RGS6: variants seen among roughly 807,000 people sequenced by gnomAD.
RGS6 encodes the protein regulator of G protein signaling 6.
RGS6 carries 30 observed loss-of-function variants against 78.5 expected under a neutral mutation model. The ratio of observed to expected loss-of-function variants is 0.38; its 90% CI spans 0.29 to 0.52. RGS6 has a LOEUF of 0.52. Among genes scored for constraint, RGS6 ranks in the 20% least tolerant of loss-of-function variants. The probability of loss-of-function intolerance (pLI) is 0.85; values close to 1 mark genes in which losing one functional copy is unlikely to be tolerated. For missense variants in RGS6, 495 were observed against 609.7 expected (o/e 0.81, Z 1.98); for synonymous variants, 206 against 206.0 (o/e 1.00, Z 0.00).
intron 12 of RGS6, among the ~76,000 whole-genome samples, chr14:72,479,038 G>A (rs996614003): frequency 6.6e-6 from 1 of 152,188 alleles, no homozygotes; most frequent in South Asian, 2.1e-4. Context: ...ATATGCTACC[G>A]TTAAAGCAAT....
chr14:72,511,931 G>C (rs1256068663), intron 14 of RGS6: 1 of 152,170 alleles, frequency 6.6e-6, no homozygotes, highest in Non-Finnish European at 1.5e-5. Flanking sequence ...GTAACAGAAG[G>C]CTTGACTTCT....
intron 3 of RGS6, among the ~76,000 whole-genome samples, chr14:72,448,941 G>A (rs1458833340): frequency 1.3e-5 from 2 of 152,270 alleles, no homozygotes; most frequent in Non-Finnish European, 2.9e-5. Context: ...CACAATTATT[G>A]TCAAGATAAC....
the RGS6 span, among the ~76,000 whole-genome samples, chr14:72,583,142 G>C: frequency 6.6e-6 from 1 of 152,104 alleles, no homozygotes; most frequent in Non-Finnish European, 1.5e-5. Context: ...AGTCCCCCGG[G>C]TCTCAGGCCG....
intron 5 of RGS6, among the ~76,000 whole-genome samples, chr14:72,459,093 C>A (rs1386893476): frequency 6.6e-6 from 1 of 152,138 alleles, no homozygotes; most frequent in Non-Finnish European, 1.5e-5. Context: ...CTAAGTGAGC[C>A]TGATAGCACA....
intron 17 of RGS6, among the ~76,000 whole-genome samples, chr14:72,551,824 G>A (rs1306641243): frequency 6.6e-6 from 1 of 152,348 alleles, no homozygotes; most frequent in East Asian, 1.9e-4. Flanking sequence ...CTTTGCCTGG[G>A]ATGGACTTTG....
At chr14:72,259,142 AC>A (rs1250759695) in intron 2 of RGS6, among the ~76,000 whole-genome samples, 17 of 152,338 alleles carry the variant, frequency 1.1e-4, no homozygotes, top group Admixed American at 9.2e-4. Context: ...CACCAGTGTC[AC>A]CATTTGTTGG....
rs138966811 is a variant in RGS6 at position 72,241,840 on chromosome 14, G to A, written c.85-110255G>A. ...GAAAAATTGCTTTCCAGGAAATGAC[G>A]CCAATTTCCAGTCCACTAGAAACAT... is the stretch of plus-strand genomic sequence containing the variant. On this transcript the variant is annotated intron_variant, in intron 2 of 17. Transcript: ENST00000553525. Among the ~76,000 whole-genome samples the A allele has an allele frequency of 9.3e-4, 142 of 152,274 alleles. 1 individual carries two copies. The East Asian group carries it at 0.025, about 27-fold the overall frequency.
intron 2 of RGS6, among the ~76,000 whole-genome samples, chr14:72,081,141 A>G (rs902365837): frequency 1.3e-5 from 2 of 152,158 alleles, no homozygotes; most frequent in South Asian, 2.1e-4. Context: ...ATTCCAGTCC[A>G]TGAGTACAGG....
the RGS6 span, among the ~76,000 whole-genome samples, chr14:71,894,091 T>A: frequency 2.6e-3 from 392 of 152,312 alleles, 1 homozygote; most frequent in African/African-American, 8.8e-3. Context: ...TTAGGATTCA[T>A]CTTAGTTGAT....
At chr14:72,498,559 CA>C (rs1489652541) in intron 13 of RGS6, among the ~76,000 whole-genome samples, 1 of 152,064 alleles carries the variant, frequency 6.6e-6, no homozygotes, top group African/African-American at 2.4e-5. Context: ...AATCTCCCCA[CA>C]TTTTTTTTTA....
chr14:71,945,113 A>AT (rs2091314209), intron 1 of RGS6, among the ~76,000 whole-genome samples: 1 of 152,218 alleles, frequency 6.6e-6, no homozygotes, highest in Admixed American at 6.5e-5. Flanking sequence ...GTAAGGGCTA[A>AT]TATAAACTCC....
At chr14:71,905,050 T>A in the RGS6 span, among the ~76,000 whole-genome samples, 1 of 152,190 alleles carries the variant, frequency 6.6e-6, no homozygotes, top group Non-Finnish European at 1.5e-5. Context: ...TAGCTGGTTC[T>A]GTTATGCACG....
At position 72,285,274 on chromosome 14, in the gene RGS6, C is replaced by A. The variant is rs530344125; in HGVS notation, c.85-66821C>A. On this transcript the variant is annotated intron_variant, in intron 2 of 17. Coordinates refer to ENST00000553525, the MANE Select transcript of RGS6 (RefSeq NM_001204424.2). ...GGTTTGGCTGTGTCCCCACCCAAAT[C>A]TCATCTTGAATTGTAGCTCCCGTAG... Among the ~76,000 whole-genome samples, 4 of 152,244 alleles carry A rather than the reference C, an allele frequency of 2.6e-5. No individual in the cohort carries two copies. In the South Asian group the frequency reaches 6.2e-4, roughly 24 times the overall value.
chr14:72,261,438 C>T (rs17180265), intron 2 of RGS6, among the ~76,000 whole-genome samples: 86,051 of 151,564 alleles, frequency 0.57, 24,883 homozygotes, highest in African/African-American at 0.68. Context: ...AGTTTTGATA[C>T]GAAATTACTA....
At chr14:72,252,057 G>C (rs1351887237) in intron 2 of RGS6, among the ~76,000 whole-genome samples, 2 of 152,160 alleles carry the variant, frequency 1.3e-5, no homozygotes, top group Non-Finnish European at 2.9e-5. Context: ...AAAAGAATGT[G>C]TTAGACTAGT....
At chr14:72,489,003 TA>T (rs534573173) in intron 12 of RGS6, among the ~76,000 whole-genome samples, 5 of 151,908 alleles carry the variant, frequency 3.3e-5, no homozygotes, top group African/African-American at 7.2e-5. Flanking sequence ...TTTCTGGTCT[TA>T]AAAAAAAATT....
At chr14:72,240,252 C>G (rs538251767) in intron 2 of RGS6, among the ~76,000 whole-genome samples, 1 of 152,162 alleles carries the variant, frequency 6.6e-6, no homozygotes, top group African/African-American at 2.4e-5. Flanking sequence ...CAGCCTTGAT[C>G]CTAATCTGTC....
At chr14:71,990,573 A>G (rs1056181683) in intron 2 of RGS6, 14 of 455,958 alleles carry the variant, frequency 3.1e-5, no homozygotes, top group African/African-American at 2.8e-4. Context: ...TCCTGGGCAC[A>G]TTTCACAAGC....
At chr14:72,417,305 C>T (rs971560467) in intron 3 of RGS6, among the ~76,000 whole-genome samples, 19 of 152,214 alleles carry the variant, frequency 1.2e-4, no homozygotes, top group Admixed American at 1.1e-3. Flanking sequence ...GCCCCCCCAC[C>T]AAGTCAGCCT....
Sources: allele counts gnomAD v4.1 joint callset (sites outside exome capture counted in the v4.1 genomes callset), GRCh38; gene constraint gnomAD v4.1.1; transcripts MANE v1.5; gene names NCBI Gene and HGNC (gene_info 2026-07-23, HGNC 2026-07-21).